The following FAP variants were observed in gnomAD, a reference collection of about 807,000 sequenced individuals.
FAP encodes the protein prolyl endopeptidase FAP.
Under a neutral mutation model 126.5 loss-of-function variants are expected in FAP, and 110 were observed. The ratio of observed to expected loss-of-function variants is 0.87; its 90% CI spans 0.74 to 1.02. FAP has a LOEUF of 1.02. Among genes scored for constraint, FAP ranks in the 50% least tolerant of loss-of-function variants. The pLI is 0.00. For missense variants in FAP, 919 were observed against 909.2 expected (o/e 1.01, Z -0.14); for synonymous variants, 334 against 297.3 (o/e 1.12, Z -1.27).
intron 12 of FAP, among the ~76,000 whole-genome samples, chr2:162,209,202 C>A (rs537176721): frequency 1.3e-5 from 2 of 152,082 alleles, no homozygotes; most frequent in East Asian, 1.9e-4. Flanking sequence ...TTGCATAATG[C>A]GTCCAAATCT....
chr2:162,221,733 G>C lies in FAP; in HGVS notation c.414-1808C>G, dbSNP rs777234153. 17 of 456,594 alleles carry C rather than the reference G, an allele frequency of 3.7e-5. No homozygotes were observed. The East Asian group carries it at 1.2e-3, about 32-fold the overall frequency. The allele number at this position is 456,594 out of a possible 1,614,324, so 28.3% of individuals were successfully genotyped here. A position where few individuals can be genotyped will look rare whatever the true frequency, so the allele number is the denominator to read the frequency against. ...ATTTTCTGTTTTCTGAGTCACTAAAGGTATGAGAAAAGGCGAGGGAGGATG... is the reference window on the plus strand; with the variant it reads ...ATTTTCTGTTTTCTGAGTCACTAAACGTATGAGAAAAGGCGAGGGAGGATG... On this transcript the variant is annotated intron_variant, in intron 6 of 25. Coordinates refer to ENST00000188790, the MANE Select transcript of FAP (RefSeq NM_004460.5).
intron 2 of FAP, among the ~76,000 whole-genome samples, chr2:162,241,222 T>A (rs1351416873): frequency 6.6e-6 from 1 of 152,202 alleles, no homozygotes; most frequent in African/African-American, 2.4e-5. Context: ...TATCAAGAAA[T>A]CACTTTATTC....
At chr2:162,203,244 G>C (rs1454455884) in intron 12 of FAP, 99 bp from the exon 13 acceptor site, 2 of 696,954 alleles carry the variant, frequency 2.9e-6, no homozygotes, top group Non-Finnish European at 4.8e-6. Context: ...CATAGTTATA[G>C]GAATCAGAAT....
chr2:162,198,325 T>C (rs1315529422), intron 16 of FAP: 2 of 1,285,712 alleles, frequency 1.6e-6, no homozygotes, highest in African/African-American at 3.1e-5. Context: ...GATATTTCTC[T>C]GGGCAAAGGG....
chr2:162,236,673 C>A (rs1195871701), intron 2 of FAP, among the ~76,000 whole-genome samples: 1 of 152,138 alleles, frequency 6.6e-6, no homozygotes, highest in African/African-American at 2.4e-5. Context: ...TGCAATGGCA[C>A]AATCTCGGCT....
intron 2 of FAP, among the ~76,000 whole-genome samples, chr2:162,229,450 T>C (rs1689801261): frequency 6.6e-6 from 1 of 152,182 alleles, no homozygotes; most frequent in Non-Finnish European, 1.5e-5. Flanking sequence ...GTATATACAA[T>C]TGAGCTTTAC....
chr2:162,223,720 A>G, intron 5 of FAP, 60 bp from the exon 6 acceptor site: 1 of 1,036,316 alleles, frequency 9.6e-7, no homozygotes, highest in Non-Finnish European at 1.5e-6. Context: ...TATATCAATA[A>G]TGTATAATCA....
intron 16 of FAP, chr2:162,198,205 A>G: frequency 7.8e-7 from 1 of 1,289,536 alleles, no homozygotes; most frequent in East Asian, 5.5e-5. Context: ...AGAAAGGACA[A>G]AGGTTCATCT....
chr2:162,188,426 T>C (rs1331943637), intron 19 of FAP, 63 bp from the exon 20 acceptor site: 58 of 1,381,278 alleles, frequency 4.2e-5, no homozygotes, highest in Non-Finnish European at 5.1e-5. Context: ...TTTCCCATCC[T>C]GGCCAAGCAT....
intron 17 of FAP, among the ~76,000 whole-genome samples, chr2:162,190,420 A>G (rs1370664420): frequency 6.6e-6 from 1 of 152,072 alleles, no homozygotes; most frequent in Non-Finnish European, 1.5e-5. Context: ...ACACAAACAC[A>G]CACTATGCTC....
chr2:162,190,714 A>G (rs1688014243), intron 17 of FAP, among the ~76,000 whole-genome samples: 1 of 152,056 alleles, frequency 6.6e-6, no homozygotes, highest in Non-Finnish European at 1.5e-5. Context: ...CTTGTGAGGT[A>G]TATCTATTGC....
intron 14 of FAP, among the ~76,000 whole-genome samples, chr2:162,202,280 G>A (rs949274819): frequency 2.0e-5 from 3 of 152,248 alleles, no homozygotes; most frequent in Non-Finnish European, 4.4e-5. Context: ...GCAGTCCCAT[G>A]TTCAGGTTGA....
At chr2:162,180,869 C>G (rs1187348361) in intron 21 of FAP, among the ~76,000 whole-genome samples, 1 of 152,054 alleles carries the variant, frequency 6.6e-6, no homozygotes, top group East Asian at 1.9e-4. Flanking sequence ...TGTGCTGGTG[C>G]CAGGGATCTG....
chr2:162,173,009 T>C, intron 24 of FAP, 125 bp from the exon 25 acceptor site: 1 of 1,093,452 alleles, frequency 9.1e-7, no homozygotes, highest in East Asian at 2.4e-5. Context: ...CAGCAGTGAG[T>C]AATCACACTC....
chr2:162,226,115 T>C (rs772436277), intron 3 of FAP, among the ~76,000 whole-genome samples: 1 of 152,156 alleles, frequency 6.6e-6, no homozygotes, highest in Non-Finnish European at 1.5e-5. Flanking sequence ...AAAATACCGA[T>C]TTCATGACCC....
rs1038970410 is a variant in FAP, at chr2:162,171,149, G to A, written c.2182-69C>T. 3.5e-6 allele frequency: 4 copies of A among 1,156,764 alleles called. No individual in the cohort carries two copies. In the East Asian group the frequency reaches 7.0e-5, roughly 20 times the overall value. 71.7% of individuals were successfully genotyped at this position (1,156,764 alleles called of 1,614,324 possible). ...AAATGCATTTAGCTTGGACTTTTTT[G>A]TGCTCTCAGGACCTGATAATCTTTC... On this transcript the variant is annotated intron_variant, in intron 25 of 25. Coordinates refer to ENST00000188790, the MANE Select transcript of FAP (RefSeq NM_004460.5).
chr2:162,198,915 T>G, intron 15 of FAP, 34 bp from the exon 16 acceptor site: 2 of 1,601,746 alleles, frequency 1.2e-6, no homozygotes, highest in Non-Finnish European at 1.7e-6. Context: ...TAAGCTGAAA[T>G]TTTGAGATTG....
chr2:162,191,622 A>G (rs1025834501), intron 17 of FAP, among the ~76,000 whole-genome samples: 2 of 152,166 alleles, frequency 1.3e-5, no homozygotes, highest in Admixed American at 6.6e-5. Flanking sequence ...AGTTGTAACA[A>G]TGATGGATCT....
Position 162,188,342 on chromosome 2 carries a change from C to T in FAP, c.1641G>A (p.Gln547=). ...LIQVYGGPCS[Q]SVRSVFAVNW... Reference sequence around the variant, plus strand: ...TAACAGCAAATACAGACCTTACACTCTGACTGCAGGGACCACCATACCTAA... The same window carrying T: ...TAACAGCAAATACAGACCTTACACTTTGACTGCAGGGACCACCATACCTAA... The change falls in exon 20 of 26, where the codon CAG becomes CAA. Residue 547 remains glutamine, a synonymous_variant. Transcript: ENST00000188790. The T allele has an allele frequency of 6.2e-7, 1 of 1,613,042 alleles. No homozygotes were observed. The highest frequency in any genetic ancestry group is 1.1e-5 in the South Asian group (1 of 91,028).
Sources: allele counts gnomAD v4.1 joint callset (sites outside exome capture counted in the v4.1 genomes callset), GRCh38; gene constraint gnomAD v4.1.1; transcripts MANE v1.5; gene names NCBI Gene and HGNC (gene_info 2026-07-23, HGNC 2026-07-21).